CACNG4: variants seen among roughly 807,000 people sequenced by gnomAD.
The protein encoded by CACNG4 is voltage-dependent calcium channel gamma-4 subunit.
CACNG4 carries 8 observed loss-of-function variants against 22.9 expected under a neutral mutation model. The ratio of observed to expected loss-of-function variants is 0.35; its 90% confidence interval spans 0.21 to 0.63. The LOEUF (loss-of-function observed/expected upper bound fraction) is 0.63, where lower values mean the gene tolerates loss of function less well. CACNG4 is among the 30% of genes least tolerant of loss of function. The pLI, the probability that CACNG4 is intolerant of heterozygous loss-of-function variation, is 0.72. For missense variants in CACNG4, 357 were observed against 455.4 expected, an observed-to-expected ratio of 0.78 and a Z score of 1.97; for synonymous variants, 188 against 191.9, an observed-to-expected ratio of 0.98 and a Z score of 0.17.
chr17:67,020,054 C>T (rs1401052206), intron 2 of CACNG4: 1 of 152,382 alleles, frequency 6.6e-6, no homozygotes, highest in Non-Finnish European at 1.5e-5. Flanking sequence ...CCTCCTCAGC[C>T]TGGATAGGTG....
At chr17:67,002,122 G>T (rs1279936015) in intron 1 of CACNG4, among the ~76,000 whole-genome samples, 1 of 152,194 alleles carries the variant, frequency 6.6e-6, no homozygotes, top group African/African-American at 2.4e-5. Context: ...GAGGTTTAAT[G>T]GACTCACAGT....
At chr17:66,985,334 C>T (rs928800407) in intron 1 of CACNG4, among the ~76,000 whole-genome samples, 2 of 152,142 alleles carry the variant, frequency 1.3e-5, no homozygotes, top group African/African-American at 2.4e-5. Context: ...AAGCAGCATT[C>T]GAAGTGATAG....
intron 1 of CACNG4, among the ~76,000 whole-genome samples, chr17:66,969,075 T>G (rs1267848365): frequency 4.6e-5 from 7 of 152,150 alleles, no homozygotes; most frequent in Non-Finnish European, 8.8e-5. Flanking sequence ...CAACCAACAT[T>G]TGTTCAATCT....
intron 3 of CACNG4, among the ~76,000 whole-genome samples, chr17:67,026,106 G>A (rs192787610): frequency 5.3e-5 from 8 of 151,474 alleles, no homozygotes; most frequent in Non-Finnish European, 1.0e-4. Context: ...TGTGAAGAGT[G>A]TGGGATGTGT....
intron 1 of CACNG4, among the ~76,000 whole-genome samples, chr17:67,009,568 C>G (rs1053259474): frequency 6.6e-6 from 1 of 152,176 alleles, no homozygotes; most frequent in Non-Finnish European, 1.5e-5. Flanking sequence ...TGCTAACAAA[C>G]TACAAAATAT....
Position 66,987,798 on chromosome 17 carries a change from A to G in CACNG4, c.220+22667A>G, listed in dbSNP as rs544393007. On this transcript the variant is annotated intron_variant, in intron 1 of 3. Coordinates refer to ENST00000262138, the MANE Select transcript of CACNG4 (RefSeq NM_014405.4). ...AGCCTCCTACTGACCAAACCTACCC[A>G]GAAGCCAAGGGCAAGGGAGCCTGGG... Among the ~76,000 whole-genome samples, 151 of 152,210 alleles carry G rather than the reference A, an allele frequency of 9.9e-4. 1 individual carries two copies. The highest frequency in any genetic ancestry group is 2.9e-5 in the Non-Finnish European group (2 of 68,022).
At chr17:66,969,240 A>C (rs2035189796) in intron 1 of CACNG4, among the ~76,000 whole-genome samples, 1 of 152,188 alleles carries the variant, frequency 6.6e-6, no homozygotes, top group Non-Finnish European at 1.5e-5. Context: ...AAGCCCTGCC[A>C]CCCACACCAA....
intron 1 of CACNG4, among the ~76,000 whole-genome samples, chr17:66,998,023 G>A (rs7225764): frequency 0.031 from 4,714 of 152,198 alleles, 239 homozygotes; most frequent in African/African-American, 0.11. Context: ...ACCAGGAAAG[G>A]GACCACATGT....
At chr17:66,976,727 G>A (rs912825989) in intron 1 of CACNG4, among the ~76,000 whole-genome samples, 4 of 151,464 alleles carry the variant, frequency 2.6e-5, no homozygotes, top group South Asian at 4.2e-4. Context: ...GAAGCACAGC[G>A]GCCGTGCTCC....
chr17:67,029,933 G>A (rs1192369498), intron 3 of CACNG4, among the ~76,000 whole-genome samples: 1 of 152,226 alleles, frequency 6.6e-6, no homozygotes, highest in Non-Finnish European at 1.5e-5. Context: ...GTAGACACAA[G>A]GGTGTCCAAG....
chr17:66,965,205 C>G, intron 1 of CACNG4, 74 bp downstream of exon 1: 1 of 893,400 alleles, frequency 1.1e-6, no homozygotes, highest in Non-Finnish European at 1.6e-6. Context: ...CGCGCGCGCG[C>G]GCGCGCGCAC....
chr17:66,974,317 G>A (rs1002308763), intron 1 of CACNG4, among the ~76,000 whole-genome samples: 1 of 152,198 alleles, frequency 6.6e-6, no homozygotes, highest in African/African-American at 2.4e-5. Flanking sequence ...CATAATAGAA[G>A]CCCAGCTCTT....
intron 1 of CACNG4, among the ~76,000 whole-genome samples, chr17:66,976,016 TACTC>T (rs886550486): frequency 9.3e-4 from 141 of 152,280 alleles, no homozygotes; most frequent in African/African-American, 3.3e-3. Flanking sequence ...CCCAGATTGA[TACTC>T]AGGAACAGAG....
At chr17:67,018,062 G>C (rs767590755) in intron 1 of CACNG4, 127 bp from the exon 2 acceptor site, 4 of 696,202 alleles carry the variant, frequency 5.7e-6, no homozygotes, top group Non-Finnish European at 1.0e-5. Flanking sequence ...GCTGGAGCCT[G>C]CCTTTCTTCT....
intron 2 of CACNG4, among the ~76,000 whole-genome samples, chr17:67,024,658 G>A (rs931768169): frequency 2.6e-5 from 4 of 152,214 alleles, no homozygotes; most frequent in African/African-American, 4.8e-5. Context: ...GGGCAGGCCC[G>A]GAGCCCCCAC....
intron 1 of CACNG4, among the ~76,000 whole-genome samples, chr17:66,980,087 C>T (rs1461008911): frequency 2.6e-5 from 4 of 152,142 alleles, no homozygotes; most frequent in African/African-American, 4.8e-5. Flanking sequence ...TCCAGGAACA[C>T]GCTCCCAGGC....
chr17:67,026,184 G>A (rs750508258), intron 3 of CACNG4, among the ~76,000 whole-genome samples: 2 of 149,628 alleles, frequency 1.3e-5, no homozygotes, highest in African/African-American at 2.5e-5. Context: ...TGTGAGGAGT[G>A]TGGTGTGTGT....
In CACNG4 at chr17:67,030,376, C is replaced by T; in HGVS notation, c.446-90C>T. 9.2e-7 allele frequency: 1 copy of T among 1,087,034 alleles called. No homozygotes were observed. The highest frequency in any genetic ancestry group is 1.5e-5 in the South Asian group (1 of 68,006). 67.3% of individuals were successfully genotyped at this position (1,087,034 alleles called of 1,614,324 possible). ...ACTCATCAGAGAGGGGAGTGTCCAC[C>T]TGTTCCCTACACTGCCCGTCCCACT... is the stretch of plus-strand genomic sequence containing the variant. On this transcript the variant is annotated intron_variant, in intron 3 of 3. Transcript: ENST00000262138. The surrounding 1 kb of genome is among the most constrained non-coding windows in gnomAD (Gnocchi z 6.4).
chr17:67,024,205 G>A (rs1193505402), intron 2 of CACNG4, among the ~76,000 whole-genome samples: 3 of 152,190 alleles, frequency 2.0e-5, no homozygotes, highest in Admixed American at 6.5e-5. Flanking sequence ...TCACCTAGGG[G>A]CTGATGATGA....
Sources: gnomAD v4.1 joint callset for allele counts (sites outside exome capture counted in the v4.1 genomes callset) on GRCh38, gnomAD v4.1.1 for gene constraint, Gnocchi (gnomAD v3.1) non-coding constraint, MANE v1.5 for transcripts, NCBI Gene and HGNC (gene_info 2026-07-23, HGNC 2026-07-21) for gene names.